SP140: variants seen among roughly 807,000 people sequenced by gnomAD.
The protein encoded by SP140 is nuclear body protein SP140.
Under a neutral mutation model 125.0 loss-of-function variants are expected in SP140, and 81 were observed. That is an observed-to-expected ratio of 0.65 (90% CI 0.54 to 0.78). SP140 has a LOEUF of 0.78. SP140 is among the 30% of genes least tolerant of loss of function. The probability of loss-of-function intolerance (pLI) is 0.00; values close to 1 mark genes in which losing one functional copy is unlikely to be tolerated. For missense variants in SP140, 858 were observed against 1,037.0 expected, an observed-to-expected ratio of 0.83 and a Z score of 2.37; for synonymous variants, 312 against 354.0, an observed-to-expected ratio of 0.88 and a Z score of 1.33.
At chr2:230,212,647 G>A in intron 1 of SP140, 3 of 1,387,790 alleles carry the variant, frequency 2.2e-6, no homozygotes, top group Non-Finnish European at 3.1e-6. Flanking sequence ...TTGGGTAGAT[G>A]GGTGCAAGAG....
rs958534929 is a variant in SP140, at chr2:230,287,779, T to C, written c.1646-113T>C. On this transcript the variant is annotated intron_variant, in intron 17 of 26. Transcript: ENST00000392045. ...GCTAGGGTTTAAATCTTTTTATTTA[T>C]ACATTAAACAGGCTTTTGGAAAGTT... 1.1e-5 allele frequency: 9 copies of C among 827,532 alleles called. 1 individual carries two copies. The South Asian group carries it at 1.7e-4, about 15-fold the overall frequency. 51.3% of individuals were successfully genotyped at this position (827,532 alleles called of 1,614,324 possible).
chr2:230,192,999 T>C, the SP140 span, among the ~76,000 whole-genome samples: 1 of 152,198 alleles, frequency 6.6e-6, no homozygotes, highest in Non-Finnish European at 1.5e-5. Flanking sequence ...TTTTCTTAGG[T>C]CTAGTAGTAA....
At chr2:230,238,560 C>T (rs992614800) in intron 3 of SP140, 179 bp downstream of exon 3, 1 of 751,666 alleles carries the variant, frequency 1.3e-6, no homozygotes, top group African/African-American at 1.8e-5. Flanking sequence ...AGTTTACATA[C>T]AGTGGGAGTG....
intron 12 of SP140, among the ~76,000 whole-genome samples, chr2:230,266,224 T>G (rs2053106379): frequency 6.6e-6 from 1 of 152,240 alleles, no homozygotes; most frequent in Non-Finnish European, 1.5e-5. Flanking sequence ...AGCCAATAGA[T>G]TATGTCTGAG....
chr2:230,305,277 G>A (rs1575349592), intron 22 of SP140, among the ~76,000 whole-genome samples: 1 of 152,242 alleles, frequency 6.6e-6, no homozygotes, highest in Non-Finnish European at 1.5e-5. Flanking sequence ...TGGATGTGGT[G>A]AAAATGGAAC....
chr2:230,309,830 G>T, intron 22 of SP140, 94 bp from the exon 23 acceptor site: 8 of 1,282,942 alleles, frequency 6.2e-6, no homozygotes, highest in Non-Finnish European at 9.0e-6. Context: ...GTCCATGCAG[G>T]TTCACACAAA....
At chr2:230,275,910 C>T (rs1311914016) in intron 15 of SP140, among the ~76,000 whole-genome samples, 1 of 152,152 alleles carries the variant, frequency 6.6e-6, no homozygotes, top group African/African-American at 2.4e-5. Flanking sequence ...TCCCTTAAGC[C>T]AAGCCTTAAT....
chr2:230,213,196 A>C (rs7601190), intron 1 of SP140, among the ~76,000 whole-genome samples: 111,774 of 151,994 alleles, frequency 0.74, 41,673 homozygotes, highest in East Asian at 0.88. Context: ...GTGGCCCCTT[A>C]ATATTTTATT....
At chr2:230,256,934 C>T (rs921674023) in intron 12 of SP140, among the ~76,000 whole-genome samples, 1 of 152,110 alleles carries the variant, frequency 6.6e-6, no homozygotes, top group Non-Finnish European at 1.5e-5. Context: ...TCACAAAAAC[C>T]TCAAGACTTA....
rs2054210446 is a variant in SP140 at position 230,273,292 on chromosome 2, A to T, written c.1498+2653A>T. 1.3e-5 allele frequency among the ~76,000 whole-genome samples: 2 copies of T among 152,242 alleles called. 1 individual carries two copies. The highest frequency in any genetic ancestry group is 2.9e-5 in the Non-Finnish European group (2 of 68,034). ...TAAAAAGTGGGCAAAGGATATCAAC[A>T]GATAACTTTTCAAGAGAAGACATAC... is the stretch of plus-strand genomic sequence containing the variant. On this transcript the variant is annotated intron_variant, in intron 15 of 26. Transcript: ENST00000392045.
At chr2:230,246,138 A>G (rs1030457038) in intron 7 of SP140, among the ~76,000 whole-genome samples, 198 bp downstream of exon 7, 26 of 152,054 alleles carry the variant, frequency 1.7e-4, no homozygotes, top group Admixed American at 2.0e-4. Flanking sequence ...GCCATCCATC[A>G]ATCCATGCAT....
At chr2:230,312,501 CAA>C (rs2059411391) in intron 26 of SP140, 83 bp from the exon 27 acceptor site, 1 of 862,008 alleles carries the variant, frequency 1.2e-6, no homozygotes, top group Non-Finnish European at 1.8e-6. Context: ...TTTTTAAAGA[CAA>C]GAGTCCTGAT....
chr2:230,277,030 T>C (rs539120518), intron 15 of SP140, among the ~76,000 whole-genome samples: 1 of 152,272 alleles, frequency 6.6e-6, no homozygotes, highest in Admixed American at 6.5e-5. Flanking sequence ...ATGGAATTTA[T>C]ACCTGGTGAA....
intron 18 of SP140, among the ~76,000 whole-genome samples, chr2:230,288,666 G>C (rs139761862): frequency 6.6e-6 from 1 of 152,070 alleles, no homozygotes; most frequent in African/African-American, 2.4e-5. Context: ...TTCTGTCCCT[G>C]TGTCCATGTG....
At chr2:230,286,923 A>T (rs2056456246) in intron 17 of SP140, among the ~76,000 whole-genome samples, 1 of 152,194 alleles carries the variant, frequency 6.6e-6, no homozygotes, top group Non-Finnish European at 1.5e-5. Context: ...TAGGCTGGAA[A>T]ATATTTCCTC....
At chr2:230,254,685 T>A (rs1374016800) in intron 11 of SP140, among the ~76,000 whole-genome samples, 1 of 152,232 alleles carries the variant, frequency 6.6e-6, no homozygotes, top group Non-Finnish European at 1.5e-5. Flanking sequence ...GCACAATTGT[T>A]ATTTGCAAGA....
At chr2:230,212,343 T>C (rs201002124) in intron 1 of SP140, 5 of 1,605,634 alleles carry the variant, frequency 3.1e-6, no homozygotes, top group Middle Eastern at 1.7e-4. Context: ...CCAGTCAGTG[T>C]TACCTTGCAC....
the SP140 span, among the ~76,000 whole-genome samples, chr2:230,186,865 T>C: frequency 3.3e-5 from 5 of 152,242 alleles, no homozygotes; most frequent in Non-Finnish European, 1.5e-5. Flanking sequence ...TAATACACCA[T>C]GGTGTATATA....
intron 1 of SP140, among the ~76,000 whole-genome samples, chr2:230,205,612 G>C (rs1350896649): frequency 6.6e-6 from 1 of 151,612 alleles, no homozygotes; most frequent in Non-Finnish European, 1.5e-5. Flanking sequence ...AAAAAAATCT[G>C]TCTTCAGCTT....
Sources: gnomAD v4.1 joint callset for allele counts (sites outside exome capture counted in the v4.1 genomes callset) on GRCh38, gnomAD v4.1.1 for gene constraint, MANE v1.5 for transcripts, NCBI Gene and HGNC (gene_info 2026-07-23, HGNC 2026-07-21) for gene names.